Variants in RIMS3 observed in about 807,000 individuals in gnomAD.
RIMS3 encodes the protein regulating synaptic membrane exocytosis protein 3.
A neutral mutation model predicts 29.2 loss-of-function variants in RIMS3; 15 were observed. That is an observed-to-expected ratio of 0.51 (90% CI 0.34 to 0.79). RIMS3 has a LOEUF of 0.79. Among genes scored for constraint, RIMS3 ranks in the 30% least tolerant of loss-of-function variants. The probability of loss-of-function intolerance (pLI) is 0.01; values close to 1 mark genes in which losing one functional copy is unlikely to be tolerated. For synonymous variants in RIMS3, 161 were observed against 170.1 expected (o/e 0.95, Z 0.41); for missense variants, 342 against 421.4 (o/e 0.81, Z 1.65).
chr1:40,659,863 G>A (rs560739569), intron 1 of RIMS3, among the ~76,000 whole-genome samples: 3 of 152,342 alleles, frequency 2.0e-5, no homozygotes, highest in Admixed American at 6.5e-5. Context: ...CAAAAAGGTA[G>A]GCAAGGACCA....
chr1:40,674,815 C>G, the RIMS3 span, among the ~76,000 whole-genome samples: 1 of 152,186 alleles, frequency 6.6e-6, no homozygotes, highest in African/African-American at 2.4e-5. Context: ...CTTAGACTTA[C>G]CAGGCTTTAG....
At chr1:40,665,705 C>A (rs573664196), upstream of RIMS3, 1 of 152,628 alleles carries the variant, frequency 6.6e-6, no homozygotes, top group African/African-American at 2.4e-5. Context: ...CGGCGGGAGG[C>A]GAAGGGGAGG....
chr1:40,684,570 G>T, the RIMS3 span, among the ~76,000 whole-genome samples: 4 of 152,074 alleles, frequency 2.6e-5, no homozygotes, highest in Non-Finnish European at 4.4e-5. Flanking sequence ...CACAGCCATG[G>T]AGTAGTGAGA....
At chr1:40,691,822 A>G in the RIMS3 span, 2 of 438,284 alleles carry the variant, frequency 4.6e-6, no homozygotes, top group Admixed American at 2.5e-5. Flanking sequence ...CCGACTCCGT[A>G]GGAGCGCGGG....
At chr1:40,656,783 C>CAAAAAAAA (rs57983058) in intron 1 of RIMS3, among the ~76,000 whole-genome samples, 1 of 73,298 alleles carries the variant, frequency 1.4e-5, no homozygotes, top group Non-Finnish European at 2.8e-5. Flanking sequence ...AACTCCGTCT[C>CAAAAAAAA]AAAAAAAAAA....
Position 40,664,744 on chromosome 1 carries a change from G to A in RIMS3, c.-207+650C>T, listed in dbSNP as rs540163962. ...AGAGGTGATGGGGACATGGAGTCCA[G>A]GTACCCAGGCGGCCAGTCAGGGAAG... On this transcript the variant is annotated intron_variant, in intron 1 of 7. Transcript: ENST00000372684. 3.3e-5 allele frequency among the ~76,000 whole-genome samples: 5 copies of A among 152,228 alleles called. No homozygotes were observed. The South Asian group carries it at 1.0e-3, about 32-fold the overall frequency.
the RIMS3 span, among the ~76,000 whole-genome samples, chr1:40,689,813 A>G: frequency 6.6e-6 from 1 of 152,094 alleles, no homozygotes; most frequent in Admixed American, 6.5e-5. Context: ...ATACTGAAAT[A>G]CTCTAGTACT....
At position 40,635,769 on chromosome 1, in the gene RIMS3, G is replaced by A. The variant is rs1338995919; in HGVS notation, c.359+147C>T. ...GAGGTCCAGGCACAGAGTGTTGAGG[G>A]GAGGGGTATGAAGGAAGGCAGAGAC... On this transcript the variant is annotated intron_variant, in intron 4 of 7. Transcript: ENST00000372684. This position sits in a 1 kb window ranked among gnomAD's most constrained non-coding sequence, Gnocchi z 4.1. The A allele has an allele frequency of 2.0e-6, 2 of 987,438 alleles. No homozygotes were observed. Among genetic ancestry groups the A allele is most frequent in the Non-Finnish European group, 3.0e-6 (2 of 657,494 alleles). The allele number at this position is 987,438 out of a possible 1,614,324, so 61.2% of individuals were successfully genotyped here. A position where few individuals can be genotyped will look rare whatever the true frequency, so the allele number is the denominator to read the frequency against.
At chr1:40,660,755 C>T (rs904901960) in intron 1 of RIMS3, among the ~76,000 whole-genome samples, 5 of 151,606 alleles carry the variant, frequency 3.3e-5, no homozygotes, top group African/African-American at 7.3e-5. Flanking sequence ...CGAGATTACC[C>T]GGGAGGTAGG....
At position 40,636,254 on chromosome 1, in the gene RIMS3, G is replaced by A. The variant is rs376700456; in HGVS notation, c.218-197C>T. 2.6e-5 allele frequency among the ~76,000 whole-genome samples: 4 copies of A among 152,114 alleles called. No individual in the cohort carries two copies. Among genetic ancestry groups the A allele is most frequent in the East Asian group, 3.9e-4 (2 of 5,186 alleles). ...GCAGCCTGACACCTGGCCCTGCTCC[G>A]GGCAGTGACACTGACAGAGCAGACT... On this transcript the variant is annotated intron_variant, in intron 3 of 7. Coordinates refer to ENST00000372684, the MANE Select transcript of RIMS3 (RefSeq NM_014747.3). This position sits in a 1 kb window ranked among gnomAD's most constrained non-coding sequence, Gnocchi z 4.2.
At position 40,665,567 on chromosome 1, in the gene RIMS3, C is replaced by G. The variant is rs989522945; in HGVS notation, c.-380G>C. ...GATAGGCACGCGGGGCGGGGAGGGG[C>G]GGCGAGGGAGGCTCACGGGGGCATC... is the stretch of plus-strand genomic sequence containing the variant. On this transcript the variant is annotated 5_prime_UTR_variant, in exon 1 of 8. Transcript: ENST00000372684. 5.9e-5 allele frequency: 9 copies of G among 152,096 alleles called. No individual in the cohort carries two copies. Among genetic ancestry groups the G allele is most frequent in the Admixed American group, 4.6e-4 (7 of 15,262 alleles). 9.4% of individuals were successfully genotyped at this position (152,096 alleles called of 1,614,324 possible). A position where few individuals can be genotyped will look rare whatever the true frequency, so the allele number is the denominator to read the frequency against.
At position 40,658,944 on chromosome 1, in the gene RIMS3, A is replaced by G. The variant is rs988012337; in HGVS notation, c.-207+6450T>C. Among the ~76,000 whole-genome samples, 4 of 152,182 alleles carry G rather than the reference A, an allele frequency of 2.6e-5. No individual in the cohort carries two copies. The East Asian group carries it at 5.8e-4, about 22-fold the overall frequency. ...AGACAAGAGAGAAGCTGGGAGCCGG[A>G]GGTACGCAGATGAACAATCCTGAAA... On this transcript the variant is annotated intron_variant, in intron 1 of 7. Coordinates refer to ENST00000372684, the MANE Select transcript of RIMS3 (RefSeq NM_014747.3).
At chr1:40,628,680 A>G in intron 7 of RIMS3, 130 bp downstream of exon 7, 1 of 1,281,706 alleles carries the variant, frequency 7.8e-7, no homozygotes, top group African/African-American at 1.5e-5. Flanking sequence ...GGGTTGTGAA[A>G]GTAAATGAGT....
At chr1:40,659,921 C>T (rs1336324564) in intron 1 of RIMS3, among the ~76,000 whole-genome samples, 1 of 152,186 alleles carries the variant, frequency 6.6e-6, no homozygotes, top group African/African-American at 2.4e-5. Flanking sequence ...GGCTTTCATT[C>T]CAAGAAGGCT....
In RIMS3 at chr1:40,642,070, T is replaced by C. The variant is rs1570182558; in HGVS notation, c.-31-114A>G. The C allele has an allele frequency of 1.2e-5, 8 of 656,180 alleles. No homozygotes were observed. In the East Asian group the frequency reaches 2.2e-4, roughly 18 times the overall value. 40.6% of individuals were successfully genotyped at this position (656,180 alleles called of 1,614,324 possible). A position where few individuals can be genotyped will look rare whatever the true frequency, so the allele number is the denominator to read the frequency against. On this transcript the variant is annotated intron_variant, in intron 2 of 7. Coordinates refer to ENST00000372684, the MANE Select transcript of RIMS3 (RefSeq NM_014747.3). The stretch of plus-strand genomic sequence containing the variant: ...GCTAGTCACTTGACCTCTCTGAGGC[T>C]ATAAGGTTAAATGCACAAACAAATG...
chr1:40,686,437 G>A, the RIMS3 span, among the ~76,000 whole-genome samples: 4 of 152,246 alleles, frequency 2.6e-5, no homozygotes, highest in South Asian at 4.1e-4. Context: ...TGGATCATGA[G>A]GTCAGGAGAT....
intron 1 of RIMS3, among the ~76,000 whole-genome samples, chr1:40,655,619 A>T (rs749904147): frequency 1.1e-4 from 17 of 152,230 alleles, no homozygotes; most frequent in Non-Finnish European, 5.9e-5. Context: ...TATCTAGGTC[A>T]ACAGTGCACA....
At chr1:40,647,578 C>T (rs1338329737) in intron 2 of RIMS3, 90 bp downstream of exon 2, 1 of 152,184 alleles carries the variant, frequency 6.6e-6, no homozygotes, top group Non-Finnish European at 1.5e-5. Context: ...AAAATCACTG[C>T]TTCAACCCTA....
At chr1:40,637,711 AG>A (rs1317308281) in intron 3 of RIMS3, among the ~76,000 whole-genome samples, 1 of 152,190 alleles carries the variant, frequency 6.6e-6, no homozygotes, top group Admixed American at 6.5e-5. Context: ...CCTTCAGTCA[AG>A]TCACAGACAC....
Sources: gnomAD v4.1 joint callset for allele counts (sites outside exome capture counted in the v4.1 genomes callset) on GRCh38, gnomAD v4.1.1 for gene constraint, Gnocchi (gnomAD v3.1) non-coding constraint, MANE v1.5 for transcripts, NCBI Gene and HGNC (gene_info 2026-07-23, HGNC 2026-07-21) for gene names.